Variants in DGKB observed in about 807,000 individuals in gnomAD.
The protein encoded by DGKB is diacylglycerol kinase beta, also known as 90 kDa diacylglycerol kinase.
Under a neutral mutation model 114.3 loss-of-function variants are expected in DGKB, and 67 were observed. That is an observed-to-expected ratio of 0.59 (90% confidence interval 0.48 to 0.72). The LOEUF (loss-of-function observed/expected upper bound fraction) is 0.72, where lower values mean the gene tolerates loss of function less well. Ranked by LOEUF, DGKB falls within the 30% of genes least tolerant of loss-of-function variation. The pLI is 0.00. For missense variants in DGKB, 907 were observed against 975.2 expected, an observed-to-expected ratio of 0.93 and a Z score of 0.93; for synonymous variants, 398 against 323.1, an observed-to-expected ratio of 1.23 and a Z score of -2.49.
intron 1 of DGKB, among the ~76,000 whole-genome samples, chr7:14,846,138 C>A (rs1308046374): frequency 6.6e-6 from 1 of 151,998 alleles, no homozygotes; most frequent in Non-Finnish European, 1.5e-5. Context: ...ATTGATCTAC[C>A]CCTATTTGCA....
intron 20 of DGKB, among the ~76,000 whole-genome samples, chr7:14,571,665 T>C (rs1798400790): frequency 6.6e-6 from 1 of 152,244 alleles, no homozygotes; most frequent in African/African-American, 2.4e-5. Flanking sequence ...AGAGGTTTTG[T>C]ACATGAGCGG....
At chr7:14,970,881 G>A (rs1293160315) in intron 1 of DGKB, among the ~76,000 whole-genome samples, 1 of 152,170 alleles carries the variant, frequency 6.6e-6, no homozygotes, top group South Asian at 2.1e-4. Context: ...CAGATGGACA[G>A]CGTACACTAG....
intron 23 of DGKB, among the ~76,000 whole-genome samples, chr7:14,319,442 T>C (rs1807310942): frequency 6.6e-6 from 1 of 152,126 alleles, no homozygotes; most frequent in Admixed American, 6.6e-5. Context: ...TATTTAAAAA[T>C]ATATTTATAG....
chr7:14,533,186 T>C (rs771014945), intron 20 of DGKB, among the ~76,000 whole-genome samples: 15 of 151,476 alleles, frequency 9.9e-5, no homozygotes, highest in Non-Finnish European at 1.3e-4. Flanking sequence ...AATATAGAAA[T>C]CCTACAGCTG....
chr7:14,470,764 C>CT (rs1480401985), intron 21 of DGKB, among the ~76,000 whole-genome samples: 1 of 151,376 alleles, frequency 6.6e-6, no homozygotes, highest in African/African-American at 2.4e-5. Context: ...TTTCAATTGG[C>CT]TTTTTTCATT....
At chr7:14,916,991 A>T (rs1357152852) in intron 1 of DGKB, among the ~76,000 whole-genome samples, 1 of 152,130 alleles carries the variant, frequency 6.6e-6, no homozygotes, top group Non-Finnish European at 1.5e-5. Context: ...ATAGCTAGAA[A>T]ATAATAAAAT....
chr7:14,687,923 A>C (rs529352226), intron 9 of DGKB, among the ~76,000 whole-genome samples: 2 of 152,318 alleles, frequency 1.3e-5, no homozygotes, highest in Non-Finnish European at 2.9e-5. Flanking sequence ...CTGATGTACA[A>C]ATCCATTACC....
intron 23 of DGKB, among the ~76,000 whole-genome samples, chr7:14,246,095 G>T (rs1481426390): frequency 6.6e-6 from 1 of 152,058 alleles, no homozygotes; most frequent in Non-Finnish European, 1.5e-5. Context: ...CCTTAATAGG[G>T]GACATTTCTG....
intron 13 of DGKB, among the ~76,000 whole-genome samples, chr7:14,644,166 C>A: frequency 6.7e-6 from 1 of 150,240 alleles, no homozygotes; most frequent in East Asian, 1.9e-4. Flanking sequence ...CTACCTAGAA[C>A]TAAAACCAAA....
chr7:14,517,840 G>C (rs541410151), intron 20 of DGKB, among the ~76,000 whole-genome samples: 1 of 152,042 alleles, frequency 6.6e-6, no homozygotes, highest in Non-Finnish European at 1.5e-5. Context: ...TGGAGAAAAG[G>C]GAACACTTAT....
chr7:14,637,979 T>C (rs984187450), intron 13 of DGKB, among the ~76,000 whole-genome samples: 1 of 152,096 alleles, frequency 6.6e-6, no homozygotes, highest in Non-Finnish European at 1.5e-5. Flanking sequence ...AATTTTCATT[T>C]TCTGAACACA....
chr7:14,356,180 T>C (rs989989103), intron 21 of DGKB, among the ~76,000 whole-genome samples: 1 of 152,048 alleles, frequency 6.6e-6, no homozygotes, highest in Non-Finnish European at 1.5e-5. Context: ...TCTTCTTTAT[T>C]AGTCTTTCTA....
At chr7:14,953,917 C>T (rs1786348287) in intron 1 of DGKB, among the ~76,000 whole-genome samples, 1 of 152,102 alleles carries the variant, frequency 6.6e-6, no homozygotes, top group Non-Finnish European at 1.5e-5. Context: ...CAGCTTTCAG[C>T]ATCACCTGGA....
At chr7:14,570,642 T>C (rs753428321) in intron 20 of DGKB, among the ~76,000 whole-genome samples, 2 of 152,110 alleles carry the variant, frequency 1.3e-5, no homozygotes, top group African/African-American at 2.4e-5. Flanking sequence ...AGAGAAAATA[T>C]ATATACTATT....
chr7:14,781,819 T>C (rs981543436), intron 2 of DGKB, among the ~76,000 whole-genome samples: 8 of 152,186 alleles, frequency 5.3e-5, no homozygotes, highest in African/African-American at 1.9e-4. Context: ...TTTATATCCT[T>C]ACAATCCTTT....
intron 23 of DGKB, among the ~76,000 whole-genome samples, chr7:14,285,556 C>T (rs887067284): frequency 2.0e-5 from 3 of 152,160 alleles, no homozygotes; most frequent in African/African-American, 7.2e-5. Context: ...CTGAAAGTCT[C>T]ACAGACTACT....
In DGKB at chr7:14,497,313, C is replaced by G. The variant is rs73285818; in HGVS notation, c.1771-19088G>C. 8.4e-4 allele frequency among the ~76,000 whole-genome samples: 128 copies of G among 151,856 alleles called. 1 individual carries two copies. Among genetic ancestry groups the G allele is most frequent in the African/African-American group, 2.7e-3 (111 of 41,472 alleles). On this transcript the variant is annotated intron_variant, in intron 20 of 25. Coordinates refer to ENST00000402815, the MANE Select transcript of DGKB (RefSeq NM_001350709.2). The stretch of plus-strand genomic sequence containing the variant: ...TACAATTCACCCACATAACGAAAAA[C>G]TACTTGTACTTCTAAAGAGATTAAA...
At chr7:14,330,180 G>A (rs1460674707) in intron 23 of DGKB, among the ~76,000 whole-genome samples, 1 of 151,956 alleles carries the variant, frequency 6.6e-6, no homozygotes, top group Non-Finnish European at 1.5e-5. Context: ...AGTCATATAA[G>A]ATTAACAATC....
intron 21 of DGKB, among the ~76,000 whole-genome samples, chr7:14,463,182 A>G (rs965054415): frequency 5.3e-5 from 8 of 151,776 alleles, no homozygotes; most frequent in African/African-American, 1.9e-4. Flanking sequence ...CATAAGTGGG[A>G]GTTGAACAAT....
Sources: gnomAD v4.1 joint callset for allele counts (sites outside exome capture counted in the v4.1 genomes callset) on GRCh38, gnomAD v4.1.1 for gene constraint, MANE v1.5 for transcripts, NCBI Gene and HGNC (gene_info 2026-07-23, HGNC 2026-07-21) for gene names.